The following TRRAP variants were observed in gnomAD, a reference collection of about 807,000 sequenced individuals.
TRRAP encodes transformation/transcription domain associated protein.
TRRAP carries 41 observed loss-of-function variants against 438.8 expected under a neutral mutation model. The ratio of observed to expected loss-of-function variants is 0.09; its 90% confidence interval spans 0.07 to 0.12. The LOEUF (loss-of-function observed/expected upper bound fraction) is 0.12, where lower values mean the gene tolerates loss of function less well. TRRAP is among the 10% of genes least tolerant of loss of function. The pLI, the probability that TRRAP is intolerant of heterozygous loss-of-function variation, is 1.00. For missense variants in TRRAP, 3,122 were observed against 5,055.1 expected (o/e 0.62, Z 11.60); for synonymous variants, 1,994 against 1,962.9 (o/e 1.02, Z -0.42).
chr7:98,909,007 G>A (rs954078575), intron 14 of TRRAP, 45 bp downstream of exon 14: 4 of 1,313,108 alleles, frequency 3.0e-6, no homozygotes, highest in East Asian at 2.5e-5. Context: ...ACTCTATCCT[G>A]TTTGTGGCTA....
intron 1 of TRRAP, among the ~76,000 whole-genome samples, chr7:98,880,264 T>TTTGTTG (rs1554402835): frequency 4.1e-5 from 4 of 96,828 alleles, no homozygotes; most frequent in Non-Finnish European, 6.9e-5. Context: ...TTGTTGTTGT[T>TTTGTTG]TTTTTTTTTT....
intron 69 of TRRAP, among the ~76,000 whole-genome samples, chr7:99,007,297 ACT>A (rs1217373194): frequency 6.6e-6 from 1 of 151,988 alleles, no homozygotes; most frequent in Non-Finnish European, 1.5e-5. Context: ...CTTCCCATAG[ACT>A]CTGATTAAGG....
intron 53 of TRRAP, among the ~76,000 whole-genome samples, 165 bp downstream of exon 53, chr7:98,972,110 G>A (rs948113450): frequency 1.6e-4 from 24 of 152,146 alleles, no homozygotes; most frequent in African/African-American, 5.6e-4. Flanking sequence ...TGGCGCAGTC[G>A]CACCTCACTG....
intron 59 of TRRAP, among the ~76,000 whole-genome samples, chr7:98,983,015 T>G (rs1407659442): frequency 6.6e-5 from 10 of 152,042 alleles, no homozygotes; most frequent in Non-Finnish European, 1.5e-4. Flanking sequence ...GTTCTCCCAG[T>G]CTCCTGTCTC....
chr7:98,950,488 TC>T (rs1411190999), intron 38 of TRRAP, among the ~76,000 whole-genome samples: 5 of 152,100 alleles, frequency 3.3e-5, no homozygotes, highest in African/African-American at 1.2e-4. Context: ...CACCACTGCA[TC>T]CCAGCATGGG....
rs753126508 is a variant in TRRAP at position 99,004,466 on chromosome 7, T to C, written c.10535+51T>C. The C allele has an allele frequency of 4.6e-6, 7 of 1,532,138 alleles. No individual in the cohort carries two copies. The East Asian group carries it at 1.6e-4, about 35-fold the overall frequency. 94.9% of individuals were successfully genotyped at this position (1,532,138 alleles called of 1,614,324 possible). On this transcript the variant is annotated intron_variant, in intron 68 of 72. Coordinates refer to ENST00000456197, the MANE Select transcript of TRRAP (RefSeq NM_001375524.1). Reference sequence around the variant, plus strand: ...AACTAACCCACGGCGCCCATGGACATGGAGCCCCATGGGAGCTCCAGGGTG... The same window carrying C: ...AACTAACCCACGGCGCCCATGGACACGGAGCCCCATGGGAGCTCCAGGGTG...
intron 20 of TRRAP, among the ~76,000 whole-genome samples, chr7:98,920,754 A>T (rs1789748894): frequency 6.6e-6 from 1 of 152,168 alleles, no homozygotes; most frequent in Admixed American, 6.5e-5. Flanking sequence ...AAAGCCTAAT[A>T]AATAGACTTA....
At chr7:98,889,530 C>T (rs1554404477) in intron 3 of TRRAP, among the ~76,000 whole-genome samples, 1 of 140,402 alleles carries the variant, frequency 7.1e-6, no homozygotes, top group African/African-American at 2.7e-5. Flanking sequence ...GTTTTATTTC[C>T]TATTCTCCTT....
At position 98,949,757 on chromosome 7, in the gene TRRAP, A is replaced by G; in HGVS notation, c.5051A>G (p.Gln1684Arg). ...CGTGTGTGGGTGAGTGAGAACTTCC[A>G]AGAGAGGCACCGCAAGGAGAACATG... is the stretch of plus-strand genomic sequence containing the variant. ...LRRVWVSENF[Q>R]ERHRKENMAA... The change falls in exon 37 of 73, where the codon CAA becomes CGA. Residue 1684 changes from glutamine to arginine, a missense_variant. Gln to Arg is a conservative substitution (Grantham distance 43). Coordinates refer to ENST00000456197, the MANE Select transcript of TRRAP (RefSeq NM_001375524.1). 1.2e-6 allele frequency: 2 copies of G among 1,613,906 alleles called. No homozygotes were observed. Among genetic ancestry groups the G allele is most frequent in the Non-Finnish European group, 1.7e-6 (2 of 1,180,034 alleles).
At position 98,950,116 on chromosome 7, in the gene TRRAP, GGTC is replaced by G; in HGVS notation, c.5191_5193del (p.Arg1731del). Reference sequence around the variant, plus strand: ...GTTCCAGCTGCTCCGAGCCTTTACTGGTCGTTTTCTCTGCAACATGACATTCTT... The same window carrying G: ...GTTCCAGCTGCTCCGAGCCTTTACTGGTTTTCTCTGCAACATGACATTCTT... On this transcript the variant is annotated inframe_deletion, in exon 38 of 73. Coordinates refer to ENST00000456197, the MANE Select transcript of TRRAP (RefSeq NM_001375524.1). The G allele has an allele frequency of 1.2e-6, 2 of 1,614,224 alleles. No individual in the cohort carries two copies. Among genetic ancestry groups the G allele is most frequent in the Non-Finnish European group, 1.7e-6 (2 of 1,180,040 alleles).
At chr7:98,987,321 A>G (rs1405470001) in intron 62 of TRRAP, among the ~76,000 whole-genome samples, 3 of 152,246 alleles carry the variant, frequency 2.0e-5, no homozygotes, top group African/African-American at 7.2e-5. Context: ...GCATTTTGCC[A>G]TCTGAAGCAA....
intron 7 of TRRAP, among the ~76,000 whole-genome samples, chr7:98,896,906 C>T (rs953976862): frequency 2.6e-5 from 4 of 151,624 alleles, no homozygotes; most frequent in East Asian, 1.9e-4. Flanking sequence ...CCACTGAGAG[C>T]GAAGGTTGGC....
intron 53 of TRRAP, among the ~76,000 whole-genome samples, 174 bp downstream of exon 53, chr7:98,972,119 T>C (rs1242839843): frequency 1.3e-5 from 2 of 152,230 alleles, no homozygotes; most frequent in Non-Finnish European, 2.9e-5. Context: ...CGCACCTCAC[T>C]GCGGCCTCAG....
In TRRAP at chr7:98,949,596, T is replaced by A. The variant is rs763263429; in HGVS notation, c.4953+15T>A. The A allele has an allele frequency of 1.3e-6, 2 of 1,585,218 alleles. No individual in the cohort carries two copies. Among genetic ancestry groups the A allele is most frequent in the Non-Finnish European group, 1.7e-6 (2 of 1,165,214 alleles). On this transcript the variant is annotated intron_variant, in intron 36 of 72. Coordinates refer to ENST00000456197, the MANE Select transcript of TRRAP (RefSeq NM_001375524.1). ...AGGCCATCAAGGTAGCGCCCCTTCC[T>A]CCAGCCCCCAATGCCCAGGGGTTTA... is the stretch of plus-strand genomic sequence containing the variant.
In TRRAP at chr7:99,004,239, T is replaced by C; in HGVS notation, c.10359T>C (p.Ser3453=). 1 of 1,614,154 alleles carries C rather than the reference T, an allele frequency of 6.2e-7. No individual in the cohort carries two copies. The highest frequency in any genetic ancestry group is 8.5e-7 in the Non-Finnish European group (1 of 1,180,034). ...PGSMKLHNLI[S]KLKKWIKILE... The stretch of plus-strand genomic sequence containing the variant: ...CCATGAAGCTTCATAATCTTATTTC[T>C]AAGTTGAAAAAGTGGATCAAAATCT... The change falls in exon 68 of 73, where the codon TCT becomes TCC. Residue 3453 remains serine, a synonymous_variant. Coordinates refer to ENST00000456197, the MANE Select transcript of TRRAP (RefSeq NM_001375524.1).
rs7808857 is a variant in TRRAP at position 98,990,367 on chromosome 7, A to G, written c.9592-88A>G. On this transcript the variant is annotated intron_variant, in intron 63 of 72. Coordinates refer to ENST00000456197, the MANE Select transcript of TRRAP (RefSeq NM_001375524.1). Reference sequence around the variant, plus strand: ...TTTACATGGCCAGTAAAGCCGCTCTATACAGTGTTGTAATGTTGGGGAAAA... The same window carrying G: ...TTTACATGGCCAGTAAAGCCGCTCTGTACAGTGTTGTAATGTTGGGGAAAA... 131,049 of 1,488,610 alleles carry G rather than the reference A, an allele frequency of 0.088. 7,128 individuals carry two copies. Among genetic ancestry groups the G allele is most frequent in the East Asian group, 0.3 (13,099 of 43,852 alleles). The allele number at this position is 1,488,610 out of a possible 1,614,324, so 92.2% of individuals were successfully genotyped here. A position where few individuals can be genotyped will look rare whatever the true frequency, so the allele number is the denominator to read the frequency against.
At chr7:98,993,131 A>G (rs1346374319) in intron 65 of TRRAP, among the ~76,000 whole-genome samples, 1 of 152,200 alleles carries the variant, frequency 6.6e-6, no homozygotes, top group Non-Finnish European at 1.5e-5. Context: ...GTAGCAAGGA[A>G]CGTGTAACAG....
At chr7:98,905,008 A>G (rs1169383286) in intron 12 of TRRAP, among the ~76,000 whole-genome samples, 1 of 152,218 alleles carries the variant, frequency 6.6e-6, no homozygotes, top group Non-Finnish European at 1.5e-5. Context: ...TAACAAGTTC[A>G]GCATTTTCCT....
Position 98,935,572 on chromosome 7 carries a change from T to A in TRRAP, c.4015-7T>A, listed in dbSNP as rs1562949389. On this transcript the variant is annotated splice_region_variant and splice_polypyrimidine_tract_variant and intron_variant, in intron 27 of 72. Coordinates refer to ENST00000456197, the MANE Select transcript of TRRAP (RefSeq NM_001375524.1). ...TGGGCTAAATGAAATTGTTTTATCT[T>A]TTGCAGCTGTTGAATTTGTGTGAGG... is the stretch of plus-strand genomic sequence containing the variant. 1 of 1,596,256 alleles carries A rather than the reference T, an allele frequency of 6.3e-7. No individual in the cohort carries two copies. The highest frequency in any genetic ancestry group is 1.7e-5 in the Admixed American group (1 of 59,728).
Sources: allele counts gnomAD v4.1 joint callset (sites outside exome capture counted in the v4.1 genomes callset), GRCh38; gene constraint gnomAD v4.1.1; transcripts MANE v1.5; gene names NCBI Gene and HGNC (gene_info 2026-07-23, HGNC 2026-07-21).